Variants in NCOR1 observed in about 807,000 individuals in gnomAD.
NCOR1 encodes nuclear receptor corepressor 1, also known as protein phosphatase 1, regulatory subunit 109.
Under a neutral mutation model 288.1 loss-of-function variants are expected in NCOR1, and 63 were observed. The observed-to-expected ratio is 0.22, with a 90% CI of 0.18 to 0.27. The LOEUF (loss-of-function observed/expected upper bound fraction) is 0.27, where lower values mean the gene tolerates loss of function less well. NCOR1 is among the 10% of genes least tolerant of loss of function. The pLI is 1.00. For synonymous variants in NCOR1, 1,007 were observed against 1,065.9 expected (o/e 0.94, Z 1.08); for missense variants, 2,397 against 3,019.2 (o/e 0.79, Z 4.83).
chr17:16,214,491 A>T (rs928926673), intron 1 of NCOR1, among the ~76,000 whole-genome samples: 1 of 152,222 alleles, frequency 6.6e-6, no homozygotes, highest in Non-Finnish European at 1.5e-5. Context: ...AGCAAATCTG[A>T]TGCAGGTTTA....
chr17:16,034,900 T>A lies in NCOR1; in HGVS notation c.7000A>T (p.Lys2334Ter). Residue 2334 changes from lysine to a stop codon, truncating the protein, a stop_gained, in exon 45 of 46, where the codon AAA (lysine) becomes TAA (stop). Coordinates refer to ENST00000268712, the MANE Select transcript of NCOR1 (RefSeq NM_006311.4). LOFTEE classifies it high-confidence loss of function. ...TGCCCAGGTATAGGAGACTTAGATTTCCTGCTGTTTGACTTGCTGATCAGC... is the reference window on the plus strand; with the variant it reads ...TGCCCAGGTATAGGAGACTTAGATTACCTGCTGTTTGACTTGCTGATCAGC... The part of the protein sequence containing the change: ...PKLISKSNSR[K>*]SKSPIPGQGY... 1 of 1,614,192 alleles carries A rather than the reference T, an allele frequency of 6.2e-7. No individual in the cohort carries two copies. Among genetic ancestry groups the A allele is most frequent in the Non-Finnish European group, 8.5e-7 (1 of 1,180,036 alleles).
Position 16,072,161 on chromosome 17 carries a change from A to G in NCOR1, c.3879T>C (p.Ser1293=), listed in dbSNP as rs770500648. 2.5e-6 allele frequency: 4 copies of G among 1,612,054 alleles called. No homozygotes were observed. In the Admixed American group the frequency reaches 5.0e-5, roughly 20 times the overall value. Residue 1293 remains serine (S), a synonymous_variant, in exon 29 of 46, where the codon TCT becomes TCC. Coordinates refer to ENST00000268712, the MANE Select transcript of NCOR1 (RefSeq NM_006311.4). The part of the protein sequence containing the change: ...HSDLKERTVL[S]GSIMQGTPRA... ...AAAGTTTACCCTGCATTATGGAGCC[A>G]GACAATACAGTCCTTTCTTTGAGGT...
At chr17:16,044,767 G>A in intron 42 of NCOR1, 1 of 900,102 alleles carries the variant, frequency 1.1e-6, no homozygotes, top group Non-Finnish European at 1.9e-6. Context: ...TGTTTGCAAT[G>A]GCCCTGGCCA....
intron 22 of NCOR1, chr17:16,087,286 G>A (rs2064393212): frequency 3.1e-6 from 4 of 1,304,246 alleles, no homozygotes; most frequent in Non-Finnish European, 4.0e-6. Flanking sequence ...TTGTGCATCT[G>A]TGCTTCCTGT....
rs183687311 is a variant in NCOR1 at position 16,086,354 on chromosome 17, A to C, written c.3105T>G (p.Pro1035=). ...PTTRPTRPPP[P]LIPSSKTTVA... is the part of the protein sequence containing the mutation. ...CTGTGGTTTTGGATGACGGGATGAG[A>C]GGGGGCGGTGGCCTGGTTGGTCGAG... The change falls in exon 23 of 46, where the codon CCT becomes CCG. Residue 1035 remains proline, a synonymous_variant. Coordinates refer to ENST00000268712, the MANE Select transcript of NCOR1 (RefSeq NM_006311.4). 1 of 1,613,970 alleles carries C rather than the reference A, an allele frequency of 6.2e-7. No homozygotes were observed. Among genetic ancestry groups the C allele is most frequent in the Admixed American group, 1.7e-5 (1 of 59,986 alleles).
Position 16,047,085 on chromosome 17 carries a change from GCA to G in NCOR1, c.6543_6544del (p.Ala2182ProfsTer17). ...GTAGCTTATACTCCCTGGTGAGCGGGCATCATTCCTGTTAGGGCCAAAGTTAA... is the reference window on the plus strand; with the variant it reads ...GTAGCTTATACTCCCTGGTGAGCGGGTCATTCCTGTTAGGGCCAAAGTTAA... On this transcript the variant is annotated frameshift_variant, in exon 42 of 46. Coordinates refer to ENST00000268712, the MANE Select transcript of NCOR1 (RefSeq NM_006311.4). LOFTEE classifies it high-confidence loss of function. The G allele has an allele frequency of 6.2e-7, 1 of 1,611,590 alleles. No individual in the cohort carries two copies. Among genetic ancestry groups the G allele is most frequent in the Non-Finnish European group, 8.5e-7 (1 of 1,178,928 alleles).
intron 2 of NCOR1, among the ~76,000 whole-genome samples, chr17:16,190,390 A>T (rs2087904327): frequency 6.6e-6 from 1 of 151,844 alleles, no homozygotes. Flanking sequence ...GCTGGAGTGC[A>T]GCGGCACGAT....
chr17:16,093,335 T>C (rs894329489), intron 21 of NCOR1, among the ~76,000 whole-genome samples: 3 of 152,244 alleles, frequency 2.0e-5, no homozygotes, highest in Non-Finnish European at 4.4e-5. Flanking sequence ...AGAAATGGAC[T>C]GTTCCTTAAG....
At chr17:16,038,952 G>C (rs1044514248) in intron 44 of NCOR1, among the ~76,000 whole-genome samples, 2 of 152,102 alleles carry the variant, frequency 1.3e-5, no homozygotes, top group Non-Finnish European at 2.9e-5. Flanking sequence ...TGTATTTTTA[G>C]TAGAGATGGG....
intron 1 of NCOR1, among the ~76,000 whole-genome samples, chr17:16,206,761 T>C (rs796115877): frequency 2.1e-4 from 32 of 152,118 alleles, no homozygotes; most frequent in East Asian, 1.5e-3. Flanking sequence ...CTGAAATAAA[T>C]AGACAAACTT....
At chr17:16,101,858 G>T in intron 19 of NCOR1, 101 bp from the exon 20 acceptor site, 1 of 1,422,526 alleles carries the variant, frequency 7.0e-7, no homozygotes, top group Non-Finnish European at 9.5e-7. Context: ...GTTTCAGGTG[G>T]TGATAGAAAC....
chr17:16,127,078 ACAAAT>A (rs2074185527), intron 14 of NCOR1, among the ~76,000 whole-genome samples: 1 of 151,720 alleles, frequency 6.6e-6, no homozygotes, highest in African/African-American at 2.4e-5. Context: ...TGCCTAATAT[ACAAAT>A]CAAAGTTTAT....
At chr17:16,119,296 C>G (rs536843093) in intron 17 of NCOR1, 127 bp downstream of exon 17, 2 of 624,738 alleles carry the variant, frequency 3.2e-6, no homozygotes, top group Admixed American at 6.0e-5. Context: ...AAAGTCACTT[C>G]TGAGTCCTCT....
At chr17:16,146,994 T>G (rs2078085631) in intron 9 of NCOR1, among the ~76,000 whole-genome samples, 1 of 152,218 alleles carries the variant, frequency 6.6e-6, no homozygotes, top group South Asian at 2.1e-4. Flanking sequence ...CACACACGCT[T>G]TAACCGATCT....
At chr17:16,113,546 A>G (rs952770003) in intron 18 of NCOR1, among the ~76,000 whole-genome samples, 1 of 152,154 alleles carries the variant, frequency 6.6e-6, no homozygotes, top group Non-Finnish European at 1.5e-5. Flanking sequence ...CTTATTTGTT[A>G]GTTACAATAT....
At chr17:16,039,213 G>A (rs954493480) in intron 44 of NCOR1, 2 of 549,852 alleles carry the variant, frequency 3.6e-6, no homozygotes, top group African/African-American at 1.9e-5. Context: ...TCCCAGGAGG[G>A]TGACACTTTG....
In NCOR1 at chr17:16,058,154, G is replaced by A. The variant is rs748951649; in HGVS notation, c.6011-90C>T. The stretch of plus-strand genomic sequence containing the variant: ...TTAAATATAATTCAGAAGAACACCT[G>A]AAAGGATGTGGTACATAGCTCCAAA... On this transcript the variant is annotated intron_variant, in intron 38 of 45. Transcript: ENST00000268712. 1.7e-5 allele frequency: 24 copies of A among 1,409,198 alleles called. No individual in the cohort carries two copies. The African/African-American group carries it at 2.3e-4, about 13-fold the overall frequency. The allele number at this position is 1,409,198 out of a possible 1,614,324, so 87.3% of individuals were successfully genotyped here.
chr17:16,149,095 G>A (rs2078466823), intron 9 of NCOR1, among the ~76,000 whole-genome samples: 2 of 151,936 alleles, frequency 1.3e-5, no homozygotes. Flanking sequence ...GAATAGTAAT[G>A]TCTCATCAGC....
At chr17:16,178,903 G>C (rs531337001) in intron 3 of NCOR1, among the ~76,000 whole-genome samples, 4 of 152,244 alleles carry the variant, frequency 2.6e-5, no homozygotes, top group Non-Finnish European at 5.9e-5. Context: ...TCAGGAGTTT[G>C]AGACCAGGTT....
Sources: gnomAD v4.1 joint callset for allele counts (sites outside exome capture counted in the v4.1 genomes callset) on GRCh38, gnomAD v4.1.1 for gene constraint, MANE v1.5 for transcripts, NCBI Gene and HGNC (gene_info 2026-07-23, HGNC 2026-07-21) for gene names.